Variants in TYW1 observed in about 807,000 individuals in gnomAD.
TYW1 encodes the protein tRNA-yW synthesizing protein 1 homolog.
In TYW1, 46 loss-of-function variants were observed where a neutral mutation model predicts 96.2. The observed-to-expected ratio is 0.48, with a 90% CI of 0.38 to 0.61. TYW1 has a LOEUF of 0.61. TYW1 is among the 20% of genes least tolerant of loss of function. The pLI is 0.00. For synonymous variants in TYW1, 274 were observed against 323.0 expected (o/e 0.85, Z 1.63); for missense variants, 684 against 909.6 (o/e 0.75, Z 3.19).
chr7:67,133,420 C>A (rs569155341), intron 13 of TYW1, among the ~76,000 whole-genome samples: 1 of 151,982 alleles, frequency 6.6e-6, no homozygotes, highest in Admixed American at 6.6e-5. Flanking sequence ...TGGGATTGTC[C>A]GGGCACGGTG....
chr7:67,018,251 A>G, intron 6 of TYW1, 108 bp downstream of exon 6: 3 of 1,433,486 alleles, frequency 2.1e-6, no homozygotes, highest in Non-Finnish European at 9.4e-7. Flanking sequence ...GTTAGAAGGA[A>G]GATCTGGCTG....
intron 7 of TYW1, among the ~76,000 whole-genome samples, chr7:67,042,340 A>C (rs1300933148): frequency 1.4e-5 from 2 of 139,642 alleles, no homozygotes; most frequent in Admixed American, 7.4e-5. Context: ...AGTACTATTT[A>C]AGACTTCTTC....
chr7:67,010,682 C>A (rs1000176567), intron 4 of TYW1, among the ~76,000 whole-genome samples: 1 of 151,740 alleles, frequency 6.6e-6, no homozygotes, highest in Non-Finnish European at 1.5e-5. Flanking sequence ...TCACCGTGTT[C>A]GCCAGGATGG....
rs777040631 is a variant in TYW1 at position 67,017,974 on chromosome 7, C to T, written c.692C>T (p.Ala231Val). The change falls in exon 6 of 16, where the codon GCA becomes GTA. Residue 231 changes from alanine to valine, a missense_variant. Coordinates refer to ENST00000359626, the MANE Select transcript of TYW1 (RefSeq NM_018264.4). ...GGCAGCATTGAGGCCGACTTCAGAGCATGGAAGACCAAGTTCATCTCCCAG... is the reference window on the plus strand; with the variant it reads ...GGCAGCATTGAGGCCGACTTCAGAGTATGGAAGACCAAGTTCATCTCCCAG... Reference protein sequence around the residue: ...KHGSIEADFRAWKTKFISQLQ... With the variant: ...KHGSIEADFRVWKTKFISQLQ... The T allele has an allele frequency of 6.2e-7, 1 of 1,614,122 alleles. No individual in the cohort carries two copies. Among genetic ancestry groups the T allele is most frequent in the South Asian group, 1.1e-5 (1 of 91,078 alleles).
chr7:67,158,656 G>A (rs1186407644), intron 13 of TYW1, among the ~76,000 whole-genome samples: 3 of 151,932 alleles, frequency 2.0e-5, no homozygotes, highest in South Asian at 2.1e-4. Flanking sequence ...TGCAAGCTCC[G>A]CCTCCCGGGT....
intron 13 of TYW1, among the ~76,000 whole-genome samples, chr7:67,118,218 T>C (rs1047140738): frequency 2.7e-4 from 41 of 152,102 alleles, no homozygotes; most frequent in African/African-American, 9.9e-4. Flanking sequence ...TCCCAGCTAT[T>C]TGGGAGGCTG....
At chr7:67,193,933 C>T (rs1162316604) in intron 14 of TYW1, among the ~76,000 whole-genome samples, 4 of 151,870 alleles carry the variant, frequency 2.6e-5, no homozygotes, top group Non-Finnish European at 5.9e-5. Context: ...TTATTCCCCA[C>T]TTAGCGGAAT....
chr7:67,157,354 C>T (rs958023125), intron 13 of TYW1, among the ~76,000 whole-genome samples: 92 of 152,252 alleles, frequency 6.0e-4, no homozygotes, highest in African/African-American at 2.0e-3. Flanking sequence ...GGCACAATCT[C>T]GGCTCACTGC....
At chr7:67,222,457 T>C (rs1801424054) in intron 15 of TYW1, among the ~76,000 whole-genome samples, 2 of 146,444 alleles carry the variant, frequency 1.4e-5, no homozygotes, top group South Asian at 4.4e-4. Flanking sequence ...TTTGCCAGTA[T>C]AGGATTCCTG....
chr7:67,014,414 C>T lies in TYW1; in HGVS notation c.423C>T (p.Asp141=), dbSNP rs146383295. 1.3e-4 allele frequency: 216 copies of T among 1,613,560 alleles called. No homozygotes were observed. The highest frequency in any genetic ancestry group is 9.9e-4 in the Middle Eastern group (6 of 6,078). The change falls in exon 5 of 16, where the codon GAC becomes GAT. Residue 141 remains aspartate (D), a synonymous_variant. Transcript: ENST00000359626. ...TCTTCCTGGTTGCGACATACACTGA[C>T]GGCCTACCAACTGAAAGTGCAGAGT... ...VCVFLVATYT[D]GLPTESAEWF... is the part of the protein sequence containing the mutation.
chr7:67,100,434 G>A (rs542008642), intron 12 of TYW1, among the ~76,000 whole-genome samples: 1 of 151,688 alleles, frequency 6.6e-6, no homozygotes, highest in Admixed American at 6.6e-5. Flanking sequence ...TTTTTTGCCT[G>A]GCGCACTAAA....
chr7:67,096,156 G>A (rs1459238769), intron 11 of TYW1, among the ~76,000 whole-genome samples: 1 of 152,172 alleles, frequency 6.6e-6, no homozygotes, highest in African/African-American at 2.4e-5. Flanking sequence ...TTGGGAGGCC[G>A]AGGCGGGCAG....
In TYW1 at chr7:67,184,247, T is replaced by C. The variant is rs150840075; in HGVS notation, c.1809+1011T>C. On this transcript the variant is annotated intron_variant, in intron 14 of 15. Coordinates refer to ENST00000359626, the MANE Select transcript of TYW1 (RefSeq NM_018264.4). ...TTAGAAATCACTTTGCTGTAGAAAA[T>C]GGATCATGCATCTTGGCTGATGCCC... Among the ~76,000 whole-genome samples the C allele has an allele frequency of 1.8e-3, 279 of 152,334 alleles. 8 individuals are homozygous for C. In the East Asian group the frequency reaches 0.046, roughly 25 times the overall value.
chr7:67,159,502 G>A (rs1480962135), intron 13 of TYW1, among the ~76,000 whole-genome samples: 3 of 152,044 alleles, frequency 2.0e-5, no homozygotes, highest in Non-Finnish European at 2.9e-5. Flanking sequence ...TAATGTTAAT[G>A]TTTTACAGTA....
At chr7:67,081,764 CCTT>C (rs1165129184) in intron 10 of TYW1, among the ~76,000 whole-genome samples, 39 of 150,596 alleles carry the variant, frequency 2.6e-4, no homozygotes, top group Non-Finnish European at 7.4e-5. Flanking sequence ...TCTTCCTCTT[CCTT>C]CTTCTTTTCC....
chr7:67,028,827 G>A (rs1794546441), intron 7 of TYW1, among the ~76,000 whole-genome samples: 1 of 152,054 alleles, frequency 6.6e-6, no homozygotes, highest in Non-Finnish European at 1.5e-5. Context: ...ATTTCCACAG[G>A]CTTATGCATT....
chr7:67,063,207 A>G (rs1378928755), intron 9 of TYW1, among the ~76,000 whole-genome samples: 2 of 152,180 alleles, frequency 1.3e-5, no homozygotes, highest in African/African-American at 4.8e-5. Context: ...CAGTCATATC[A>G]ATTGATTCTG....
At chr7:67,127,955 GTCT>G (rs1428437360) in intron 13 of TYW1, among the ~76,000 whole-genome samples, 2 of 151,718 alleles carry the variant, frequency 1.3e-5, no homozygotes, top group Non-Finnish European at 2.9e-5. Flanking sequence ...TTTTCCCTCT[GTCT>G]TCTTTCTGGA....
intron 7 of TYW1, among the ~76,000 whole-genome samples, chr7:67,031,213 CAG>C (rs1397514253): frequency 7.4e-6 from 1 of 135,840 alleles, no homozygotes; most frequent in African/African-American, 2.7e-5. Flanking sequence ...AAAAAAAAAT[CAG>C]TCTGTGTGCG....
Sources: allele counts gnomAD v4.1 joint callset (sites outside exome capture counted in the v4.1 genomes callset), GRCh38; gene constraint gnomAD v4.1.1; transcripts MANE v1.5; gene names NCBI Gene and HGNC (gene_info 2026-07-23, HGNC 2026-07-21).